The following IP6K2 variants were observed in gnomAD, a reference collection of about 807,000 sequenced individuals.
IP6K2 encodes ATP:1D-myo-inositol-hexakisphosphate phosphotransferase.
In IP6K2, 9 loss-of-function variants were observed where a neutral mutation model predicts 43.3. The observed-to-expected ratio is 0.21, with a 90% CI of 0.13 to 0.36. The LOEUF (loss-of-function observed/expected upper bound fraction) is 0.36. Ranked by LOEUF, IP6K2 falls within the 10% of genes least tolerant of loss-of-function variation. The probability of loss-of-function intolerance (pLI) is 1.00; values close to 1 mark genes in which losing one functional copy is unlikely to be tolerated. For missense variants in IP6K2, 332 were observed against 538.4 expected (o/e 0.62, Z 3.79); for synonymous variants, 209 against 202.4 (o/e 1.03, Z -0.28).
At chr3:48,693,591 G>C in intron 2 of IP6K2, 1 of 1,170,020 alleles carries the variant, frequency 8.5e-7, no homozygotes, top group South Asian at 1.8e-5. Context: ...CTTTAAAGCA[G>C]AGCCTGAATA....
In IP6K2 at chr3:48,691,395, C is replaced by G; in HGVS notation, c.516G>C (p.Gln172His). ...TVEKKGNISS[Q>H]LKHYNPWSMK... ...TGCTCCAAGGGTTATAGTGTTTAAG[C>G]TGGGAACTTATATTCCCCTTCTTCT... The change falls in exon 4 of 6, where the codon CAG becomes CAC. Residue 172 changes from glutamine (Q) to histidine (H), a missense_variant. By Grantham distance (24) the Gln-to-His change is conservative (BLOSUM62 0). Coordinates refer to ENST00000328631, the MANE Select transcript of IP6K2 (RefSeq NM_016291.4). The G allele has an allele frequency of 6.2e-7, 1 of 1,613,114 alleles. No homozygotes were observed. The highest frequency in any genetic ancestry group is 8.5e-7 in the Non-Finnish European group (1 of 1,179,026).
intron 1 of IP6K2, among the ~76,000 whole-genome samples, chr3:48,704,911 T>A (rs543038340): frequency 6.6e-6 from 1 of 152,220 alleles, no homozygotes; most frequent in East Asian, 1.9e-4. Flanking sequence ...TAGCTGAGAT[T>A]ACAAGCACGC....
At chr3:48,702,371 GAT>G (rs2079149130) in intron 1 of IP6K2, among the ~76,000 whole-genome samples, 1 of 151,946 alleles carries the variant, frequency 6.6e-6, no homozygotes, top group African/African-American at 2.4e-5. Context: ...CCCTTTGCTT[GAT>G]ATGTTCTTCC....
chr3:48,715,328 C>T, intron 1 of IP6K2: 3 of 1,536,118 alleles, frequency 2.0e-6, no homozygotes, highest in Non-Finnish European at 2.6e-6. Context: ...AGTAAGCTGG[C>T]CTCAGGGAGG....
intron 1 of IP6K2, among the ~76,000 whole-genome samples, chr3:48,702,132 G>C (rs1401282040): frequency 6.6e-6 from 1 of 151,928 alleles, no homozygotes; most frequent in Admixed American, 6.6e-5. Context: ...TTGGGAAGCT[G>C]AGGCAGGAGA....
At chr3:48,694,238 G>A (rs952708678) in intron 2 of IP6K2, 7 of 1,551,408 alleles carry the variant, frequency 4.5e-6, no homozygotes, top group African/African-American at 2.7e-5. Context: ...CTTTGGCTTT[G>A]TCCTGGAAAA....
At chr3:48,714,989 G>C (rs2081035805) in intron 1 of IP6K2, among the ~76,000 whole-genome samples, 1 of 151,986 alleles carries the variant, frequency 6.6e-6, no homozygotes, top group Non-Finnish European at 1.5e-5. Flanking sequence ...TCGGCAAATT[G>C]ACTTCTCCAA....
intron 1 of IP6K2, among the ~76,000 whole-genome samples, chr3:48,706,216 A>AT (rs2079763229): frequency 1.3e-5 from 2 of 152,170 alleles, no homozygotes. Context: ...TCAAAAAAAA[A>AT]GAGGCCAAGA....
At chr3:48,700,959 T>C (rs993294908) in intron 1 of IP6K2, among the ~76,000 whole-genome samples, 1 of 152,232 alleles carries the variant, frequency 6.6e-6, no homozygotes, top group Non-Finnish European at 1.5e-5. Context: ...CAATGCCTCA[T>C]ACATTGCTGG....
At chr3:48,710,368 G>A (rs377731294) in intron 1 of IP6K2, among the ~76,000 whole-genome samples, 2 of 152,120 alleles carry the variant, frequency 1.3e-5, no homozygotes, top group Non-Finnish European at 2.9e-5. Flanking sequence ...CTCTAGCCTG[G>A]GTGACAGAGT....
At chr3:48,694,132 G>A (rs1381763513) in intron 2 of IP6K2, 9 of 1,526,784 alleles carry the variant, frequency 5.9e-6, no homozygotes, top group Non-Finnish European at 8.8e-7. Context: ...GGGTGCAGAG[G>A]AGCCGGGGTG....
rs1331525171 is a variant in IP6K2, at chr3:48,695,007, G to C, written c.202+83C>G. On this transcript the variant is annotated intron_variant, in intron 2 of 5. Coordinates refer to ENST00000328631, the MANE Select transcript of IP6K2 (RefSeq NM_016291.4). The surrounding 1 kb of genome is among the most constrained non-coding windows in gnomAD (Gnocchi z 4.6). Reference sequence around the variant, plus strand: ...GAGTGGGAGGGAGTGAGGGCTCCAGGGATGGCTGCCAGGGCCTTCCATGGC... The same window carrying C: ...GAGTGGGAGGGAGTGAGGGCTCCAGCGATGGCTGCCAGGGCCTTCCATGGC... The C allele has an allele frequency of 6.2e-7, 1 of 1,612,616 alleles. No individual in the cohort carries two copies. The highest frequency in any genetic ancestry group is 1.1e-5 in the South Asian group (1 of 90,928).
chr3:48,716,966 C>T (rs926672441), intron 1 of IP6K2, 191 bp downstream of exon 1: 4 of 152,386 alleles, frequency 2.6e-5, no homozygotes, highest in Non-Finnish European at 4.4e-5. Flanking sequence ...GAAGAAAAAC[C>T]CTCCTCCCAA....
chr3:48,691,187 AG>A, intron 4 of IP6K2, 119 bp downstream of exon 4: 1 of 792,372 alleles, frequency 1.3e-6, no homozygotes, highest in Non-Finnish European at 2.1e-6. Flanking sequence ...GGAATAACCC[AG>A]GTAGGAGAAA....
chr3:48,714,326 C>T (rs985241443), intron 1 of IP6K2, among the ~76,000 whole-genome samples: 4 of 151,760 alleles, frequency 2.6e-5, no homozygotes, highest in Admixed American at 6.6e-5. Context: ...CTCGGCCTCC[C>T]GAAGCGTTGG....
chr3:48,688,237 C>CAGAGT lies in IP6K2; in HGVS notation c.*31_*35dup. ...ACGCAGCACAGCTGTGCCTGGGACA[C>CAGAGT]AGAGTCGCTCTCAAGTACTGGAGCA... On this transcript the variant is annotated 3_prime_UTR_variant, in exon 6 of 6. Transcript: ENST00000328631. This position sits in a 1 kb window ranked among gnomAD's most constrained non-coding sequence, Gnocchi z 5.1. 6.2e-7 allele frequency: 1 copy of CAGAGT among 1,600,772 alleles called. No individual in the cohort carries two copies. Among genetic ancestry groups the CAGAGT allele is most frequent in the Non-Finnish European group, 8.5e-7 (1 of 1,171,000 alleles).
At chr3:48,710,170 A>G (rs1442121836) in intron 1 of IP6K2, among the ~76,000 whole-genome samples, 4 of 152,058 alleles carry the variant, frequency 2.6e-5, no homozygotes, top group Admixed American at 2.6e-4. Flanking sequence ...GAGGATTGCT[A>G]GAGCTCAGAA....
chr3:48,707,592 G>A (rs1389215824), intron 1 of IP6K2, among the ~76,000 whole-genome samples: 2 of 151,996 alleles, frequency 1.3e-5, no homozygotes, highest in Non-Finnish European at 2.9e-5. Flanking sequence ...GCGCCACCAC[G>A]CCCGGCTAAT....
rs1345559259 is a variant in IP6K2 at position 48,715,277 on chromosome 3, G to A, written c.-131+1880C>T. The A allele has an allele frequency of 2.0e-6, 3 of 1,535,580 alleles. No individual in the cohort carries two copies. The African/African-American group carries it at 4.1e-5, about 21-fold the overall frequency. On this transcript the variant is annotated intron_variant, in intron 1 of 5. Coordinates refer to ENST00000328631, the MANE Select transcript of IP6K2 (RefSeq NM_016291.4). ...CTTAAAGGGAAAATTCTTCCCCAGTGCATCCTCTTTATGAGCCAAACAATG... is the reference window on the plus strand; with the variant it reads ...CTTAAAGGGAAAATTCTTCCCCAGTACATCCTCTTTATGAGCCAAACAATG...
Sources: allele counts gnomAD v4.1 joint callset (sites outside exome capture counted in the v4.1 genomes callset), GRCh38; gene constraint gnomAD v4.1.1; non-coding constraint Gnocchi (gnomAD v3.1); transcripts MANE v1.5; gene names NCBI Gene and HGNC (gene_info 2026-07-23, HGNC 2026-07-21).